The following PREX1 variants were observed in gnomAD, a reference collection of about 807,000 sequenced individuals.
PREX1 encodes the protein phosphatidylinositol 3,4,5-trisphosphate-dependent Rac exchanger 1 protein.
Under a neutral mutation model 198.3 loss-of-function variants are expected in PREX1, and 41 were observed. That is an observed-to-expected ratio of 0.21 (90% CI 0.16 to 0.27). PREX1 has a LOEUF of 0.27. Among genes scored for constraint, PREX1 ranks in the 10% least tolerant of loss-of-function variants. The pLI, the probability that PREX1 is intolerant of heterozygous loss-of-function variation, is 1.00. For synonymous variants in PREX1, 843 were observed against 887.2 expected (o/e 0.95, Z 0.89); for missense variants, 1,620 against 2,200.7 (o/e 0.74, Z 5.28).
the PREX1 span, among the ~76,000 whole-genome samples, chr20:48,844,452 C>A: frequency 6.6e-6 from 1 of 152,170 alleles, no homozygotes; most frequent in Non-Finnish European, 1.5e-5. Flanking sequence ...CCTCCTCACC[C>A]CCAGCAGGCA....
At chr20:48,781,097 G>A (rs1318905600) in intron 1 of PREX1, among the ~76,000 whole-genome samples, 1 of 152,114 alleles carries the variant, frequency 6.6e-6, no homozygotes, top group Admixed American at 6.6e-5. Flanking sequence ...AGAAAGACTG[G>A]GGAACTCTCA....
intron 9 of PREX1, among the ~76,000 whole-genome samples, chr20:48,690,421 C>A (rs1301127909): frequency 1.3e-5 from 2 of 152,132 alleles, no homozygotes; most frequent in African/African-American, 4.8e-5. Context: ...CCTCCTTTTC[C>A]CAGCCTGGTG....
intron 39 of PREX1, among the ~76,000 whole-genome samples, chr20:48,626,308 C>T (rs1038859923): frequency 1.3e-5 from 2 of 152,150 alleles, no homozygotes; most frequent in Non-Finnish European, 2.9e-5. Context: ...GTTTTGGAGC[C>T]GGGGGACCAG....
the PREX1 span, among the ~76,000 whole-genome samples, chr20:48,834,757 A>C: frequency 6.6e-6 from 1 of 151,970 alleles, no homozygotes; most frequent in Non-Finnish European, 1.5e-5. Context: ...TGGGGATCCC[A>C]CTATGTTGCC....
At chr20:48,679,780 G>A (rs377211463) in intron 11 of PREX1, 26 bp from the exon 12 acceptor site, 34 of 1,559,496 alleles carry the variant, frequency 2.2e-5, no homozygotes, top group Admixed American at 1.5e-4. Context: ...GACCTGTGAC[G>A]CTGGGCACGC....
intron 2 of PREX1, 78 bp from the exon 3 acceptor site, chr20:48,745,225 C>A (rs2122770064): frequency 1.4e-6 from 2 of 1,477,260 alleles, no homozygotes; most frequent in Non-Finnish European, 1.8e-6. Flanking sequence ...AAAATACAAA[C>A]CTCGGTGCGG....
chr20:48,636,625 C>G lies in PREX1; in HGVS notation c.4005G>C (p.Val1335=), dbSNP rs1213072833. Residue 1335 remains valine (V), a synonymous_variant, in exon 32 of 40, where the codon GTG becomes GTC. Coordinates refer to ENST00000371941, the MANE Select transcript of PREX1 (RefSeq NM_020820.4). ...CCAGCAGCTGCTTGGAGAAGGTGCA[C>G]ACGGCGGCCACCAGGGCCTGGCAGA... ...AIFCQALVAA[V]CTFSKQLLAA... is the part of the protein sequence containing the mutation. The G allele has an allele frequency of 1.2e-6, 2 of 1,611,424 alleles. No homozygotes were observed. The highest frequency in any genetic ancestry group is 2.2e-5 in the South Asian group (2 of 90,952).
chr20:48,634,147 GATGGATGGATGGATGGATGGATGGATGC>G (rs1391280129), intron 33 of PREX1, among the ~76,000 whole-genome samples: 8 of 112,064 alleles, frequency 7.1e-5, no homozygotes, highest in Non-Finnish European at 1.2e-4. Flanking sequence ...TGGGTGGGTG[GATGGATGGATGGATGGATGGATGGATGC>G]ATGGATGGAT....
At chr20:48,721,847 G>A (rs527969553) in intron 5 of PREX1, among the ~76,000 whole-genome samples, 15 of 152,144 alleles carry the variant, frequency 9.9e-5, no homozygotes, top group South Asian at 2.1e-4. Context: ...GAGCAGAGCC[G>A]ACAGGACCTC....
At chr20:48,854,711 G>C in the PREX1 span, among the ~76,000 whole-genome samples, 2 of 152,174 alleles carry the variant, frequency 1.3e-5, no homozygotes, top group Non-Finnish European at 2.9e-5. Flanking sequence ...TCCAGATGAA[G>C]AGGCCGAGGC....
chr20:48,693,415 C>A (rs1416015643), intron 7 of PREX1, among the ~76,000 whole-genome samples: 1 of 151,944 alleles, frequency 6.6e-6, no homozygotes, highest in African/African-American at 2.4e-5. Context: ...TGAGATTAGG[C>A]CCTTATAAAA....
rs2122899133 is a variant in PREX1, at chr20:48,651,488, C to T, written c.2563G>A (p.Val855Met). 1.2e-6 allele frequency: 2 copies of T among 1,614,248 alleles called. No individual in the cohort carries two copies. Among genetic ancestry groups the T allele is most frequent in the Non-Finnish European group, 1.7e-6 (2 of 1,180,050 alleles). ...GCCGTGCTCACATACTCATACACCA[C>T]GCCGTGTTCCAGGTGCACGTTGTCC... ...TVDNVHLEHG[V>M]VYEYVSTAGV... is the part of the protein sequence containing the mutation. The change falls in exon 22 of 40, where the codon GTG becomes ATG. Residue 855 changes from valine (V) to methionine (M), a missense_variant. By Grantham distance (21) the Val-to-Met change is conservative. This residue lies in a region of PREX1 where 514 missense variants were observed against 611.6 expected (regional missense o/e 0.84). Transcript: ENST00000371941.
At chr20:48,739,766 C>G (rs772331246) in intron 3 of PREX1, among the ~76,000 whole-genome samples, 1 of 152,202 alleles carries the variant, frequency 6.6e-6, no homozygotes. Context: ...GACTCTACAG[C>G]CTGACTGTGT....
chr20:48,746,943 C>CG (rs2090110627), intron 2 of PREX1, among the ~76,000 whole-genome samples: 1 of 130 alleles, frequency 7.7e-3, no homozygotes, highest in African/African-American at 0.026. Context: ...AGTGCATGAA[C>CG]ACACACACAC....
At chr20:48,883,951 T>A in the PREX1 span, among the ~76,000 whole-genome samples, 1 of 151,964 alleles carries the variant, frequency 6.6e-6, no homozygotes, top group Non-Finnish European at 1.5e-5. Context: ...CCATCCTGGC[T>A]AACACGGTGA....
chr20:48,751,195 C>T (rs1422205433), intron 1 of PREX1, among the ~76,000 whole-genome samples: 10 of 152,254 alleles, frequency 6.6e-5, no homozygotes, highest in East Asian at 3.9e-4. Context: ...GTTTTTGAAA[C>T]GACAATGAGC....
At chr20:48,740,430 A>T (rs2090075862) in intron 3 of PREX1, among the ~76,000 whole-genome samples, 1 of 152,240 alleles carries the variant, frequency 6.6e-6, no homozygotes. Context: ...TCCTGAGGAC[A>T]GCCCACTGGG....
chr20:48,802,117 A>G (rs915852748), intron 1 of PREX1, among the ~76,000 whole-genome samples: 1 of 152,120 alleles, frequency 6.6e-6, no homozygotes, highest in Non-Finnish European at 1.5e-5. Flanking sequence ...AAACAAACTA[A>G]GACACCCTGC....
chr20:48,674,373 T>C (rs149941196), intron 14 of PREX1, among the ~76,000 whole-genome samples: 1 of 152,314 alleles, frequency 6.6e-6, no homozygotes, highest in East Asian at 1.9e-4. Context: ...CATGAGAAAA[T>C]CCAGGCAGCA....
Sources: gnomAD v4.1 joint callset for allele counts (sites outside exome capture counted in the v4.1 genomes callset) on GRCh38, gnomAD v4.1.1 for gene constraint, gnomAD v4.1.1 regional missense constraint, MANE v1.5 for transcripts, NCBI Gene and HGNC (gene_info 2026-07-23, HGNC 2026-07-21) for gene names.